ASAP2: variants seen among roughly 807,000 people sequenced by gnomAD.
ASAP2 encodes the protein ArfGAP with SH3 domain, ankyrin repeat and PH domain 2.
A neutral mutation model predicts 131.4 loss-of-function variants in ASAP2; 45 were observed. The observed-to-expected ratio is 0.34, with a 90% CI of 0.27 to 0.44. The LOEUF (loss-of-function observed/expected upper bound fraction) is 0.44. Ranked by LOEUF, ASAP2 falls within the 20% of genes least tolerant of loss-of-function variation. The pLI is 1.00. For missense variants in ASAP2, 1,011 were observed against 1,297.0 expected (o/e 0.78, Z 3.39); for synonymous variants, 510 against 503.0 (o/e 1.01, Z -0.19).
chr2:9,255,554 C>G (rs1665095594), intron 1 of ASAP2, among the ~76,000 whole-genome samples: 1 of 152,198 alleles, frequency 6.6e-6, no homozygotes, highest in Admixed American at 6.5e-5. Context: ...ATGAAGTAGC[C>G]TCTCTGGTTC....
chr2:9,331,934 A>T (rs1252138355), intron 7 of ASAP2, among the ~76,000 whole-genome samples: 4 of 151,964 alleles, frequency 2.6e-5, no homozygotes, highest in Admixed American at 6.6e-5. Flanking sequence ...CTTGCAGAGG[A>T]GGGAGGGGCG....
chr2:9,315,513 A>T (rs1281050621), intron 3 of ASAP2, among the ~76,000 whole-genome samples: 1 of 151,966 alleles, frequency 6.6e-6, no homozygotes, highest in African/African-American at 2.4e-5. Flanking sequence ...GGAGGGTGGG[A>T]GAGAGGGCTT....
chr2:9,242,536 A>C (rs1216624638), intron 1 of ASAP2, among the ~76,000 whole-genome samples: 1 of 152,118 alleles, frequency 6.6e-6, no homozygotes, highest in Admixed American at 6.6e-5. Flanking sequence ...GCCTGGCTTG[A>C]AGTTGACATC....
chr2:9,219,117 G>C (rs1662248925), intron 1 of ASAP2, among the ~76,000 whole-genome samples: 1 of 152,194 alleles, frequency 6.6e-6, no homozygotes, highest in South Asian at 2.1e-4. Flanking sequence ...TGAAAAGCAG[G>C]TTGTGTTAGT....
chr2:9,282,224 G>T (rs549953499), intron 2 of ASAP2, among the ~76,000 whole-genome samples: 6 of 152,224 alleles, frequency 3.9e-5, no homozygotes, highest in African/African-American at 1.4e-4. Flanking sequence ...TCATCCTTTA[G>T]CCATCTATTA....
intron 16 of ASAP2, among the ~76,000 whole-genome samples, chr2:9,371,990 G>A (rs897839243): frequency 1.3e-5 from 2 of 152,150 alleles, no homozygotes; most frequent in Non-Finnish European, 2.9e-5. Context: ...ACAAAACCAG[G>A]GGGCATGTGT....
chr2:9,341,542 C>T (rs904364753), intron 9 of ASAP2, among the ~76,000 whole-genome samples: 14 of 152,148 alleles, frequency 9.2e-5, no homozygotes, highest in African/African-American at 2.7e-4. Flanking sequence ...TTAATATGCG[C>T]GGCACGAACA....
intron 16 of ASAP2, among the ~76,000 whole-genome samples, chr2:9,374,003 G>T (rs1674189809): frequency 6.6e-6 from 1 of 152,222 alleles, no homozygotes; most frequent in Admixed American, 6.5e-5. Flanking sequence ...GATGTATTGT[G>T]TGCATTTTCG....
chr2:9,212,916 G>A (rs765099447), intron 1 of ASAP2, among the ~76,000 whole-genome samples: 8 of 152,240 alleles, frequency 5.3e-5, no homozygotes, highest in Non-Finnish European at 1.0e-4. Context: ...AACCCCGGCT[G>A]CACACTGGAG....
intron 11 of ASAP2, among the ~76,000 whole-genome samples, chr2:9,346,927 C>A (rs1469679862): frequency 3.9e-5 from 6 of 152,346 alleles, no homozygotes; most frequent in Admixed American, 1.3e-4. Context: ...GGATGGGTTG[C>A]CCCAGTTTTT....
At chr2:9,211,756 A>C (rs1661577750) in intron 1 of ASAP2, among the ~76,000 whole-genome samples, 1 of 152,178 alleles carries the variant, frequency 6.6e-6, no homozygotes, top group African/African-American at 2.4e-5. Flanking sequence ...TCCTAGCAGC[A>C]ACAGTGGGAA....
At chr2:9,395,764 C>T (rs1676097564) in intron 24 of ASAP2, among the ~76,000 whole-genome samples, 1 of 151,250 alleles carries the variant, frequency 6.6e-6, no homozygotes, top group Non-Finnish European at 1.5e-5. Flanking sequence ...CCCACCACCA[C>T]GCCTGGCCAA....
In ASAP2 at chr2:9,331,699, C is replaced by T. The variant is rs190457289; in HGVS notation, c.687-3039C>T. On this transcript the variant is annotated intron_variant, in intron 7 of 27. Transcript: ENST00000281419. ...TGGAGAATCACTTGAACCCAAGAGG[C>T]GGAGGTTGCAGTGAGCTGAGATCAT... Among the ~76,000 whole-genome samples, 130 of 152,074 alleles carry T rather than the reference C, an allele frequency of 8.5e-4. 1 individual carries two copies. Among genetic ancestry groups the T allele is most frequent in the South Asian group, 2.9e-3 (14 of 4,786 alleles).
At chr2:9,344,944 G>A (rs1009394294) in intron 11 of ASAP2, 144 bp downstream of exon 11, 11 of 582,568 alleles carry the variant, frequency 1.9e-5, no homozygotes, top group African/African-American at 3.8e-5. Flanking sequence ...TGTCAGAAAC[G>A]CTTGCTGGCC....
At chr2:9,386,133 C>T (rs1320045217) in intron 21 of ASAP2, among the ~76,000 whole-genome samples, 1 of 151,436 alleles carries the variant, frequency 6.6e-6, no homozygotes, top group East Asian at 1.9e-4. Context: ...AACACATTTT[C>T]ATGGTTTGGC....
chr2:9,289,724 G>A (rs144524705), intron 2 of ASAP2, among the ~76,000 whole-genome samples: 17 of 152,228 alleles, frequency 1.1e-4, no homozygotes, highest in African/African-American at 4.1e-4. Context: ...ATATAAGGCA[G>A]GATCAAAGAG....
At chr2:9,364,478 C>A (rs1673307569) in intron 15 of ASAP2, among the ~76,000 whole-genome samples, 1 of 152,190 alleles carries the variant, frequency 6.6e-6, no homozygotes, top group African/African-American at 2.4e-5. Flanking sequence ...GCTCTCCAGC[C>A]TGGGTGACAG....
intron 12 of ASAP2, among the ~76,000 whole-genome samples, chr2:9,352,936 A>G (rs1220848959): frequency 6.6e-6 from 1 of 152,174 alleles, no homozygotes; most frequent in Non-Finnish European, 1.5e-5. Flanking sequence ...CCAGTGGGTA[A>G]AATGAATTCC....
At chr2:9,368,027 G>A (rs1028404338) in intron 15 of ASAP2, among the ~76,000 whole-genome samples, 2 of 152,142 alleles carry the variant, frequency 1.3e-5, no homozygotes, top group African/African-American at 2.4e-5. Context: ...GCTCAGTGCC[G>A]CTTCACTCTA....
Sources: allele counts gnomAD v4.1 joint callset (sites outside exome capture counted in the v4.1 genomes callset), GRCh38; gene constraint gnomAD v4.1.1; transcripts MANE v1.5; gene names NCBI Gene and HGNC (gene_info 2026-07-23, HGNC 2026-07-21).